Variants in SPAG16 observed in about 807,000 individuals in gnomAD.
The protein encoded by SPAG16 is sperm associated antigen 16.
A neutral mutation model predicts 80.4 loss-of-function variants in SPAG16; 86 were observed. That is an observed-to-expected ratio of 1.07 (90% CI 0.90 to 1.28). SPAG16 has a LOEUF of 1.28. Among genes scored for constraint, SPAG16 ranks in the 50% most tolerant of loss-of-function variants. The pLI, the probability that SPAG16 is intolerant of heterozygous loss-of-function variation, is 0.00. For missense variants in SPAG16, 870 were observed against 765.3 expected (o/e 1.14, Z -1.61); for synonymous variants, 294 against 265.9 (o/e 1.11, Z -1.03).
intron 11 of SPAG16, among the ~76,000 whole-genome samples, chr2:213,897,791 T>C (rs1227951598): frequency 6.6e-6 from 1 of 152,184 alleles, no homozygotes; most frequent in Non-Finnish European, 1.5e-5. Flanking sequence ...CTTAGAGTGA[T>C]TGCCCAGTGG....
At chr2:213,990,591 A>G (rs1165456946) in intron 12 of SPAG16, among the ~76,000 whole-genome samples, 2 of 152,164 alleles carry the variant, frequency 1.3e-5, no homozygotes, top group Non-Finnish European at 2.9e-5. Flanking sequence ...AGAAAATTAT[A>G]AGGAAGAGAC....
intron 9 of SPAG16, among the ~76,000 whole-genome samples, chr2:213,468,075 T>G (rs2072804376): frequency 6.6e-6 from 1 of 152,140 alleles, no homozygotes; most frequent in South Asian, 2.1e-4. Flanking sequence ...TTCTGCAGCT[T>G]CCTCCTGATA....
chr2:214,016,128 A>T (rs6749347), intron 13 of SPAG16, among the ~76,000 whole-genome samples: 1 of 151,978 alleles, frequency 6.6e-6, no homozygotes, highest in African/African-American at 2.4e-5. Flanking sequence ...TAGGTTCAAG[A>T]GTGAATTTGA....
At chr2:214,088,430 G>A (rs1196960119) in intron 13 of SPAG16, among the ~76,000 whole-genome samples, 1 of 151,934 alleles carries the variant, frequency 6.6e-6, no homozygotes, top group African/African-American at 2.4e-5. Context: ...ACAGAACTAT[G>A]TTTATTCTAA....
At chr2:214,402,479 T>C (rs1306652407) in intron 15 of SPAG16, among the ~76,000 whole-genome samples, 2 of 151,670 alleles carry the variant, frequency 1.3e-5, no homozygotes, top group African/African-American at 4.8e-5. Context: ...CAAGAACTGT[T>C]TTTTTTTTCA....
intron 13 of SPAG16, among the ~76,000 whole-genome samples, chr2:214,031,224 G>A (rs1214342530): frequency 1.3e-5 from 2 of 151,788 alleles, no homozygotes; most frequent in African/African-American, 2.4e-5. Flanking sequence ...TTAAGAAAAT[G>A]TGGCACATAT....
In SPAG16 at chr2:214,129,045, T is replaced by C. The variant is rs181522049; in HGVS notation, c.1594-20095T>C. On this transcript the variant is annotated intron_variant, in intron 14 of 15. Coordinates refer to ENST00000331683, the MANE Select transcript of SPAG16 (RefSeq NM_024532.5). ...TCTGAACATCTTTTCGTGTTCCCTC[T>C]AATCATTTCAGGTAGTTCTTCCTAG... Among the ~76,000 whole-genome samples the C allele has an allele frequency of 9.9e-5, 15 of 150,764 alleles. No individual in the cohort carries two copies. The East Asian group carries it at 2.1e-3, about 21-fold the overall frequency.
intron 11 of SPAG16, among the ~76,000 whole-genome samples, chr2:213,890,806 G>T (rs1008682143): frequency 1.3e-5 from 2 of 151,734 alleles, no homozygotes; most frequent in African/African-American, 4.8e-5. Flanking sequence ...GTGTTGCTTT[G>T]CTCATCTATC....
intron 15 of SPAG16, among the ~76,000 whole-genome samples, chr2:214,236,607 G>A (rs1213240903): frequency 8.6e-5 from 13 of 151,216 alleles, no homozygotes; most frequent in Non-Finnish European, 1.6e-4. Flanking sequence ...AGCCAAGATC[G>A]CACCATTGCA....
At chr2:214,225,211 T>C (rs1234966144) in intron 15 of SPAG16, among the ~76,000 whole-genome samples, 1 of 152,208 alleles carries the variant, frequency 6.6e-6, no homozygotes, top group Non-Finnish European at 1.5e-5. Flanking sequence ...AATGTAGAGA[T>C]GCGTGGAGCA....
intron 15 of SPAG16, among the ~76,000 whole-genome samples, chr2:214,208,119 A>G (rs1394349368): frequency 1.3e-5 from 2 of 152,278 alleles, no homozygotes; most frequent in Admixed American, 6.5e-5. Context: ...TTTCATATAT[A>G]CATATACTCT....
At chr2:214,219,371 A>T (rs1257869905) in intron 15 of SPAG16, among the ~76,000 whole-genome samples, 1 of 145,538 alleles carries the variant, frequency 6.9e-6, no homozygotes, top group African/African-American at 2.7e-5. Flanking sequence ...ACAACTTATC[A>T]AATAGAATTA....
At chr2:214,263,788 T>G (rs1411717545) in intron 15 of SPAG16, among the ~76,000 whole-genome samples, 6 of 152,172 alleles carry the variant, frequency 3.9e-5, no homozygotes, top group African/African-American at 1.4e-4. Context: ...CATGTGAAAA[T>G]AAATAGTATG....
At chr2:213,348,834 G>C (rs2065161573) in intron 6 of SPAG16, among the ~76,000 whole-genome samples, 1 of 152,156 alleles carries the variant, frequency 6.6e-6, no homozygotes, top group East Asian at 1.9e-4. Context: ...TTCAACTTTG[G>C]TGAATCTGAC....
intron 15 of SPAG16, among the ~76,000 whole-genome samples, chr2:214,207,074 T>G (rs1431412594): frequency 6.6e-6 from 1 of 152,158 alleles, no homozygotes; most frequent in Admixed American, 6.5e-5. Flanking sequence ...TGCCAGAACA[T>G]TTAATCCTTC....
intron 9 of SPAG16, among the ~76,000 whole-genome samples, chr2:213,388,654 A>T (rs945338345): frequency 6.6e-6 from 1 of 152,236 alleles, no homozygotes; most frequent in Non-Finnish European, 1.5e-5. Context: ...CCAGACTCCA[A>T]ATTACAACAC....
intron 15 of SPAG16, among the ~76,000 whole-genome samples, chr2:214,317,448 G>A (rs747911157): frequency 8.5e-5 from 13 of 152,148 alleles, no homozygotes; most frequent in African/African-American, 1.2e-4. Context: ...TCGTTCTCAC[G>A]TTTTAGAGAG....
chr2:214,314,348 T>C (rs74908785), intron 15 of SPAG16, among the ~76,000 whole-genome samples: 137 of 152,352 alleles, frequency 9.0e-4, no homozygotes, highest in Non-Finnish European at 1.5e-3. Flanking sequence ...CATTTACTTA[T>C]ATAGGATTTC....
chr2:213,395,997 CA>C (rs2068013905), intron 9 of SPAG16, among the ~76,000 whole-genome samples: 1 of 151,022 alleles, frequency 6.6e-6, no homozygotes, highest in African/African-American at 2.4e-5. Flanking sequence ...AACTAGTTTC[CA>C]TGCATACATG....
Sources: allele counts gnomAD v4.1 joint callset (sites outside exome capture counted in the v4.1 genomes callset), GRCh38; gene constraint gnomAD v4.1.1; transcripts MANE v1.5; gene names NCBI Gene and HGNC (gene_info 2026-07-23, HGNC 2026-07-21).